Variants in ARHGAP27 observed in about 807,000 individuals in gnomAD.
ARHGAP27 encodes Rho GTPase activating protein 27.
Under a neutral mutation model 102.0 loss-of-function variants are expected in ARHGAP27, and 53 were observed. The observed-to-expected ratio is 0.52, with a 90% confidence interval of 0.42 to 0.65. ARHGAP27 has a LOEUF of 0.65. Among genes scored for constraint, ARHGAP27 ranks in the 30% least tolerant of loss-of-function variants. The pLI is 0.00. For synonymous variants in ARHGAP27, 525 were observed against 542.8 expected (o/e 0.97, Z 0.46); for missense variants, 1,117 against 1,256.2 (o/e 0.89, Z 1.68).
intron 4 of ARHGAP27, among the ~76,000 whole-genome samples, chr17:45,417,961 G>C (rs1206205479): frequency 1.3e-5 from 2 of 151,108 alleles, no homozygotes; most frequent in Non-Finnish European, 2.9e-5. Flanking sequence ...AGCTGAGGCA[G>C]GAGAATGGCG....
Position 45,431,000 on chromosome 17 carries a change from GAGCCCGGCCCGCCC to G in ARHGAP27, c.-19+607_-19+620del, listed in dbSNP as rs1205623566. Among the ~76,000 whole-genome samples the G allele has an allele frequency of 2.6e-5, 4 of 151,860 alleles. No individual in the cohort carries two copies. Among genetic ancestry groups the G allele is most frequent in the African/African-American group, 4.8e-5 (2 of 41,382 alleles). On this transcript the variant is annotated intron_variant, in intron 3 of 19. Transcript: ENST00000685559. This position sits in a 1 kb window ranked among gnomAD's most constrained non-coding sequence, Gnocchi z 4.4. ...GCTGCATCACCGCAGACGTGAGCCC[GAGCCCGGCCCGCCC>G]AGCCCGGCCCGCACCGCCCCCTGCT...
intron 12 of ARHGAP27, among the ~76,000 whole-genome samples, chr17:45,402,094 G>A (rs945234612): frequency 1.3e-5 from 2 of 152,206 alleles, no homozygotes; most frequent in African/African-American, 4.8e-5. Flanking sequence ...TGCGGGGGTA[G>A]CATGGTAGTC....
At chr17:45,403,732 G>T (rs2046761020) in intron 10 of ARHGAP27, 23 bp from the exon 11 acceptor site, 2 of 1,596,526 alleles carry the variant, frequency 1.3e-6, no homozygotes, top group Admixed American at 1.7e-5. Flanking sequence ...GGGGAAGTGG[G>T]GGTGGCAGGA....
intron 4 of ARHGAP27, among the ~76,000 whole-genome samples, chr17:45,413,694 G>GCTC (rs956694307): frequency 1.3e-5 from 2 of 152,084 alleles, no homozygotes; most frequent in African/African-American, 4.8e-5. Flanking sequence ...TGCCTGGCCT[G>GCTC]CTCCTCCAGG....
In ARHGAP27 at chr17:45,430,169, C is replaced by T; in HGVS notation, c.111G>A (p.Leu37=). Residue 37 remains leucine (L), a synonymous_variant, in exon 4 of 20, where the codon CTG becomes CTA. Transcript: ENST00000685559. The surrounding 1 kb of genome is among the most constrained non-coding windows in gnomAD (Gnocchi z 4.4). ...ACCAGTGCTCGGTGCTGCGCCGCAG[C>T]AGCCGGTAGCGCTCATTCGGCCGGA... ...VAIRPNERYR[L]LRRSTEHWWH... 2 of 1,538,666 alleles carry T rather than the reference C, an allele frequency of 1.3e-6. No homozygotes were observed. Among genetic ancestry groups the T allele is most frequent in the Non-Finnish European group, 1.7e-6 (2 of 1,149,048 alleles).
Position 45,395,785 on chromosome 17 carries a change from G to A in ARHGAP27, c.2451C>T (p.Pro817=). 1 of 1,605,312 alleles carries A rather than the reference G, an allele frequency of 6.2e-7. No homozygotes were observed. Residue 817 remains proline (P), a synonymous_variant, in exon 19 of 20, where the codon CCC becomes CCT. Coordinates refer to ENST00000685559, the MANE Select transcript of ARHGAP27 (RefSeq NM_001282290.2). ...AGAGCATCCGCAGAGTGTCGTGGTTGGGAGCGGGCAGCGAGCGCACCAAGT... is the reference window on the plus strand; with the variant it reads ...AGAGCATCCGCAGAGTGTCGTGGTTAGGAGCGGGCAGCGAGCGCACCAAGT... ...VRDLVRSLPA[P]NHDTLRMLFQ... is the part of the protein sequence containing the mutation.
intron 13 of ARHGAP27, 160 bp downstream of exon 13, chr17:45,397,789 G>T: frequency 1.9e-6 from 1 of 527,778 alleles, no homozygotes; most frequent in Non-Finnish European, 3.2e-6. Flanking sequence ...CTTACAGAAG[G>T]CAGTTTCTTC....
At chr17:45,397,852 C>G in intron 13 of ARHGAP27, 97 bp downstream of exon 13, 2 of 1,080,074 alleles carry the variant, frequency 1.9e-6, no homozygotes, top group South Asian at 3.5e-5. Flanking sequence ...TTGCATTACC[C>G]ACTGGTACCT....
chr17:45,410,566 C>T (rs1049676319), intron 4 of ARHGAP27: 8 of 580,748 alleles, frequency 1.4e-5, no homozygotes, highest in East Asian at 8.3e-5. Flanking sequence ...GAGCCGCATC[C>T]GAGGCCCAGA....
intron 4 of ARHGAP27, chr17:45,409,795 C>G (rs575009327): frequency 6.0e-6 from 1 of 166,480 alleles, no homozygotes; most frequent in African/African-American, 2.4e-5. Flanking sequence ...CCACCCCTAC[C>G]CTCCTCCTTG....
rs776477046 is a variant in ARHGAP27 at position 45,429,791 on chromosome 17, G to A, written c.489C>T (p.Ala163=). The part of the protein sequence containing the change: ...PAQSLNDLAC[A]AVSPPAGLLG... ...GGAGGCCGGCGGGAGGCGAGACGGC[G>A]GCGCAGGCCAGGTCGTTCAGGGACT... The change falls in exon 4 of 20, where the codon GCC becomes GCT. Residue 163 remains alanine (A), a synonymous_variant. Transcript: ENST00000685559. 1 of 1,519,060 alleles carries A rather than the reference G, an allele frequency of 6.6e-7. No individual in the cohort carries two copies. The highest frequency in any genetic ancestry group is 1.2e-5 in the South Asian group (1 of 82,710). The allele number at this position is 1,519,060 out of a possible 1,614,324, so 94.1% of individuals were successfully genotyped here.
chr17:45,395,268 G>T lies in ARHGAP27; in HGVS notation c.*188C>A. 1 of 664,692 alleles carries T rather than the reference G, an allele frequency of 1.5e-6. No individual in the cohort carries two copies. The highest frequency in any genetic ancestry group is 2.5e-6 in the Non-Finnish European group (1 of 403,844). The allele number at this position is 664,692 out of a possible 1,614,324, so 41.2% of individuals were successfully genotyped here. A position where few individuals can be genotyped will look rare whatever the true frequency, so the allele number is the denominator to read the frequency against. ...AGGGGGGATGGGGAGTTGGGAAGAA[G>T]GAATCACATTTTGCAAACTGCCCAC... On this transcript the variant is annotated 3_prime_UTR_variant, in exon 20 of 20. Transcript: ENST00000685559.
At chr17:45,418,795 A>G (rs751048116) in intron 4 of ARHGAP27, among the ~76,000 whole-genome samples, 8 of 151,922 alleles carry the variant, frequency 5.3e-5, no homozygotes, top group Non-Finnish European at 8.8e-5. Flanking sequence ...CCCTGGGGAG[A>G]AGGCAGGGTG....
chr17:45,395,897 G>A (rs1303670152), intron 18 of ARHGAP27, 48 bp from the exon 19 acceptor site: 22 of 1,579,038 alleles, frequency 1.4e-5, no homozygotes, highest in Non-Finnish European at 1.7e-5. Flanking sequence ...GGGAGGTAGG[G>A]GGTATCGGCT....
At position 45,394,500 on chromosome 17, in the gene ARHGAP27, G is replaced by A. The variant is rs944884164; in HGVS notation, c.*956C>T. The A allele has an allele frequency of 6.6e-6, 1 of 152,360 alleles. No homozygotes were observed. The highest frequency in any genetic ancestry group is 2.4e-5 in the African/African-American group (1 of 41,468). The allele number at this position is 152,360 out of a possible 1,614,324, so 9.4% of individuals were successfully genotyped here. On this transcript the variant is annotated 3_prime_UTR_variant, in exon 20 of 20. Coordinates refer to ENST00000685559, the MANE Select transcript of ARHGAP27 (RefSeq NM_001282290.2). ...CCCCTAGGACAGAACAGCTGGGACA[G>A]TTTCCCTCTTTGCCTTCAGGGGCCT... is the stretch of plus-strand genomic sequence containing the variant.
chr17:45,395,290 C>T lies in ARHGAP27; in HGVS notation c.*166G>A. The T allele has an allele frequency of 1.2e-6, 1 of 827,620 alleles. No individual in the cohort carries two copies. Among genetic ancestry groups the T allele is most frequent in the East Asian group, 2.8e-5 (1 of 36,124 alleles). The allele number at this position is 827,620 out of a possible 1,614,324, so 51.3% of individuals were successfully genotyped here. ...GAAGGAATCACATTTTGCAAACTGC[C>T]CACTAGGGGTCACCGTACCCTCAGA... On this transcript the variant is annotated 3_prime_UTR_variant, in exon 20 of 20. Coordinates refer to ENST00000685559, the MANE Select transcript of ARHGAP27 (RefSeq NM_001282290.2).
chr17:45,415,208 C>G (rs2048337715), intron 4 of ARHGAP27, among the ~76,000 whole-genome samples: 1 of 152,172 alleles, frequency 6.6e-6, no homozygotes. Flanking sequence ...TAGAGGCCTT[C>G]TACCACTTCC....
At chr17:45,400,876 C>T (rs1295943100) in intron 12 of ARHGAP27, among the ~76,000 whole-genome samples, 1 of 152,170 alleles carries the variant, frequency 6.6e-6, no homozygotes, top group Non-Finnish European at 1.5e-5. Context: ...GATTGCACCA[C>T]TGCACTTCAG....
At chr17:45,415,608 A>C (rs2048371412) in intron 4 of ARHGAP27, among the ~76,000 whole-genome samples, 1 of 152,168 alleles carries the variant, frequency 6.6e-6, no homozygotes, top group African/African-American at 2.4e-5. Flanking sequence ...TCTGTCACTC[A>C]AGGTAGAATC....
Sources: gnomAD v4.1 joint callset for allele counts (sites outside exome capture counted in the v4.1 genomes callset) on GRCh38, gnomAD v4.1.1 for gene constraint, Gnocchi (gnomAD v3.1) non-coding constraint, MANE v1.5 for transcripts, NCBI Gene and HGNC (gene_info 2026-07-23, HGNC 2026-07-21) for gene names.